The following MCC variants were observed in gnomAD, a reference collection of about 807,000 sequenced individuals.
MCC encodes the protein MCC regulator of Wnt signaling pathway.
Under a neutral mutation model 116.2 loss-of-function variants are expected in MCC, and 90 were observed. The observed-to-expected ratio is 0.77, with a 90% confidence interval of 0.65 to 0.92. MCC has a LOEUF of 0.92. MCC is among the 40% of genes least tolerant of loss of function. The pLI is 0.00. For synonymous variants in MCC, 578 were observed against 510.5 expected (o/e 1.13, Z -1.78); for missense variants, 1,516 against 1,312.2 (o/e 1.16, Z -2.40).
At chr5:113,477,814 T>C (rs1312173136) in intron 1 of MCC, among the ~76,000 whole-genome samples, 1 of 152,302 alleles carries the variant, frequency 6.6e-6, no homozygotes, top group East Asian at 1.9e-4. Flanking sequence ...CAAACTCAAC[T>C]GCAAGCCACA....
At position 113,488,443 on chromosome 5, in the gene MCC, T is replaced by C. The variant is rs1772621432; in HGVS notation, c.-29A>G. 1.4e-6 allele frequency: 2 copies of C among 1,389,122 alleles called. No homozygotes were observed. Among genetic ancestry groups the C allele is most frequent in the African/African-American group, 3.0e-5 (2 of 66,076 alleles). The allele number at this position is 1,389,122 out of a possible 1,614,324, so 86.0% of individuals were successfully genotyped here. A position where few individuals can be genotyped will look rare whatever the true frequency, so the allele number is the denominator to read the frequency against. ...CCCGCTCCCTACTTGGGAGGAGGAG[T>C]ACGCGCGACCGCAGCTGGAATCCGC... On this transcript the variant is annotated 5_prime_UTR_variant, in exon 1 of 19. Transcript: ENST00000408903.
At chr5:113,342,476 T>C (rs540378396) in intron 2 of MCC, among the ~76,000 whole-genome samples, 1 of 152,328 alleles carries the variant, frequency 6.6e-6, no homozygotes, top group South Asian at 2.1e-4. Flanking sequence ...ACCTTAATTA[T>C]TACAGACGAT....
intron 2 of MCC, among the ~76,000 whole-genome samples, chr5:113,356,902 G>A (rs1768428018): frequency 6.6e-6 from 1 of 152,136 alleles, no homozygotes; most frequent in Non-Finnish European, 1.5e-5. Context: ...ATTATCTTTG[G>A]TCCTACCAAT....
At chr5:113,249,162 A>C (rs574848505) in intron 3 of MCC, among the ~76,000 whole-genome samples, 92 of 127,552 alleles carry the variant, frequency 7.2e-4, no homozygotes, top group Non-Finnish European at 1.2e-3. Context: ...CTCTCTCTCT[A>C]AACAATTGAT....
chr5:113,302,718 A>G (rs1218717509), intron 3 of MCC, among the ~76,000 whole-genome samples: 1 of 152,216 alleles, frequency 6.6e-6, no homozygotes, highest in Non-Finnish European at 1.5e-5. Context: ...ATGAATTGAT[A>G]ACTACTATAG....
At chr5:113,272,916 A>G (rs1189499654) in intron 3 of MCC, among the ~76,000 whole-genome samples, 1 of 152,230 alleles carries the variant, frequency 6.6e-6, no homozygotes, top group Admixed American at 6.5e-5. Flanking sequence ...GGCAGCACAG[A>G]ATCACAAAAA....
chr5:113,054,690 G>C (rs951321249), intron 14 of MCC, among the ~76,000 whole-genome samples: 1 of 152,252 alleles, frequency 6.6e-6, no homozygotes, highest in Non-Finnish European at 1.5e-5. Context: ...TCACAGGATA[G>C]TCTGAGTATA....
intron 1 of MCC, among the ~76,000 whole-genome samples, chr5:113,395,366 T>C (rs571504294): frequency 1.3e-3 from 195 of 152,262 alleles, no homozygotes; most frequent in Non-Finnish European, 2.2e-3. Flanking sequence ...AAATTCACTA[T>C]GCCAAAAGAA....
intron 3 of MCC, among the ~76,000 whole-genome samples, chr5:113,164,016 GT>G (rs1310322117): frequency 6.6e-6 from 1 of 152,072 alleles, no homozygotes; most frequent in African/African-American, 2.4e-5. Flanking sequence ...ATTTTTAAGT[GT>G]TTTCTTGACC....
chr5:113,060,040 T>C lies in MCC; in HGVS notation c.2213+3944A>G, dbSNP rs151305064. Among the ~76,000 whole-genome samples, 8 of 152,332 alleles carry C rather than the reference T, an allele frequency of 5.3e-5. No individual in the cohort carries two copies. The East Asian group carries it at 1.5e-3, about 29-fold the overall frequency. ...GCCTTGGTGGAAGGCTAGAAGGACA[T>C]TTCATTTCTTTTGCCTTGAAAATCC... On this transcript the variant is annotated intron_variant, in intron 14 of 18. Coordinates refer to ENST00000408903, the MANE Select transcript of MCC (RefSeq NM_001085377.2).
chr5:113,364,238 G>GAAAAAAAAAAAAAAAAAAAAAACAAAA (rs1768627557), intron 2 of MCC, among the ~76,000 whole-genome samples: 1 of 49,422 alleles, frequency 2.0e-5, no homozygotes. Context: ...CTCAAAAACA[G>GAAAAAAAAAAAAAAAAAAAAAACAAAA]AAAAAAAAAA....
At chr5:113,197,558 G>A (rs1228500181) in intron 3 of MCC, among the ~76,000 whole-genome samples, 1 of 152,160 alleles carries the variant, frequency 6.6e-6, no homozygotes, top group East Asian at 1.9e-4. Context: ...CACACAGGAA[G>A]CCTGATGACA....
chr5:113,044,453 T>C (rs1751935049), intron 16 of MCC: 1 of 978,292 alleles, frequency 1.0e-6, no homozygotes, highest in East Asian at 1.1e-4. Flanking sequence ...CACTACATAG[T>C]ACCATGGCTG....
rs546618554 is a variant in MCC at position 113,050,102 on chromosome 5, C to T, written c.2449-803G>A. Among the ~76,000 whole-genome samples, 96 of 152,326 alleles carry T rather than the reference C, an allele frequency of 6.3e-4. No individual in the cohort carries two copies. In the Middle Eastern group the frequency reaches 0.01, roughly 16 times the overall value. ...GACGTGGCTCATTTCATCTTCCCAA[C>T]CTGGGTTAGGTATTGCAACTATCTC... On this transcript the variant is annotated intron_variant, in intron 15 of 18. Coordinates refer to ENST00000408903, the MANE Select transcript of MCC (RefSeq NM_001085377.2).
intron 1 of MCC, among the ~76,000 whole-genome samples, chr5:113,400,271 C>T (rs1197974315): frequency 2.6e-5 from 4 of 151,680 alleles, no homozygotes; most frequent in East Asian, 3.9e-4. Context: ...TGCAGGCGCC[C>T]GCCACTATGC....
chr5:113,075,238 G>A (rs926745693), intron 11 of MCC, among the ~76,000 whole-genome samples: 15 of 152,196 alleles, frequency 9.9e-5, no homozygotes, highest in African/African-American at 3.1e-4. Flanking sequence ...CTCGCGCCAC[G>A]CTCGAATTCT....
At chr5:113,362,837 T>A (rs767486528) in intron 2 of MCC, among the ~76,000 whole-genome samples, 8 of 152,186 alleles carry the variant, frequency 5.3e-5, no homozygotes, top group Non-Finnish European at 1.0e-4. Context: ...AACATAATTG[T>A]CTTTTTTTAC....
intron 3 of MCC, among the ~76,000 whole-genome samples, chr5:113,251,579 G>C (rs1356914649): frequency 1.3e-5 from 2 of 152,152 alleles, no homozygotes; most frequent in Non-Finnish European, 2.9e-5. Flanking sequence ...CGTGGAGAAG[G>C]TACAACCCTT....
rs1754003353 is a variant in MCC, at chr5:113,071,087, T to TTCCTC, written c.1925+6_1925+7insGAGGA. On this transcript the variant is annotated splice_region_variant and intron_variant, in intron 12 of 18. Coordinates refer to ENST00000408903, the MANE Select transcript of MCC (RefSeq NM_001085377.2). Reference sequence around the variant, plus strand: ...AAGTAGCTCCAAACATCCCAGTGTGTGCCTACCTGTACTGCAAGGCCAGCC... The same window carrying TTCCTC: ...AAGTAGCTCCAAACATCCCAGTGTGTTCCTCGCCTACCTGTACTGCAAGGCCAGCC... 2 of 1,602,280 alleles carry TTCCTC rather than the reference T, an allele frequency of 1.2e-6. No homozygotes were observed. The highest frequency in any genetic ancestry group is 1.4e-5 in the African/African-American group (1 of 72,048).
Sources: gnomAD v4.1 joint callset for allele counts (sites outside exome capture counted in the v4.1 genomes callset) on GRCh38, gnomAD v4.1.1 for gene constraint, MANE v1.5 for transcripts, NCBI Gene and HGNC (gene_info 2026-07-23, HGNC 2026-07-21) for gene names.